CLCA4: variants seen among roughly 807,000 people sequenced by gnomAD.
CLCA4 encodes the protein chloride channel accessory 4.
Under a neutral mutation model 78.9 loss-of-function variants are expected in CLCA4, and 69 were observed. The ratio of observed to expected loss-of-function variants is 0.87; its 90% confidence interval spans 0.72 to 1.07. The LOEUF is 1.07. CLCA4 is among the 50% of genes least tolerant of loss of function. CLCA4 has a pLI of 0.00. For synonymous variants in CLCA4, 362 were observed against 375.8 expected (o/e 0.96, Z 0.42); for missense variants, 1,133 against 1,095.8 (o/e 1.03, Z -0.48).
chr1:86,547,756 A>G (rs1481554437), intron 1 of CLCA4, among the ~76,000 whole-genome samples: 1 of 152,112 alleles, frequency 6.6e-6, no homozygotes, highest in African/African-American at 2.4e-5. Flanking sequence ...ATTTAACATA[A>G]TGTCCTCCAT....
intron 1 of CLCA4, 111 bp from the exon 2 acceptor site, chr1:86,559,821 G>A (rs1396628184): frequency 2.5e-6 from 2 of 798,538 alleles, no homozygotes; most frequent in Admixed American, 2.5e-5. Flanking sequence ...CTACTCATCA[G>A]TCTGTTGCTT....
chr1:86,558,642 C>T (rs977827311), intron 1 of CLCA4, among the ~76,000 whole-genome samples: 2 of 152,098 alleles, frequency 1.3e-5, no homozygotes, highest in Non-Finnish European at 2.9e-5. Flanking sequence ...GCAAACATGT[C>T]CTTCTTCACA....
At chr1:86,554,636 A>G (rs1340572425) in intron 1 of CLCA4, among the ~76,000 whole-genome samples, 1 of 152,168 alleles carries the variant, frequency 6.6e-6, no homozygotes, top group Non-Finnish European at 1.5e-5. Context: ...TGCTATTGTG[A>G]ATAGTGCTGC....
chr1:86,561,850 T>A (rs1650031285), intron 3 of CLCA4, among the ~76,000 whole-genome samples: 2 of 152,196 alleles, frequency 1.3e-5, no homozygotes, highest in Non-Finnish European at 2.9e-5. Context: ...TCTTTCTTCC[T>A]TTTCACAAAT....
At chr1:86,552,047 CA>C (rs765415934) in intron 1 of CLCA4, among the ~76,000 whole-genome samples, 17 of 151,296 alleles carry the variant, frequency 1.1e-4, no homozygotes, top group African/African-American at 4.1e-4. Context: ...ATGCCCACTG[CA>C]AAAAAAATCC....
At chr1:86,548,079 G>A (rs994383693) in intron 1 of CLCA4, among the ~76,000 whole-genome samples, 2 of 152,046 alleles carry the variant, frequency 1.3e-5, no homozygotes, top group South Asian at 4.1e-4. Context: ...GTATATAATA[G>A]GTCTCTTTCT....
chr1:86,575,591 A>G lies in CLCA4; in HGVS notation c.1943A>G (p.Asn648Ser). Residue 648 changes from asparagine (N) to serine (S), a missense_variant, in exon 11 of 14, where the codon AAT (asparagine) becomes AGT (serine). By Grantham distance (46) the Asn-to-Ser change is conservative. Transcript: ENST00000370563. The stretch of plus-strand genomic sequence containing the variant: ...ACAGAAGTTTTGGAACTTTTGGATA[A>G]TGGTGCAGGTAATTCACAGGTTTTT... ...GHTEVLELLD[N>S]GAGADSFKND... 6.2e-7 allele frequency: 1 copy of G among 1,612,094 alleles called. No individual in the cohort carries two copies.
intron 1 of CLCA4, 148 bp from the exon 2 acceptor site, chr1:86,559,784 C>A: frequency 1.5e-6 from 1 of 646,696 alleles, no homozygotes; most frequent in South Asian, 2.1e-5. Flanking sequence ...TGACAGGTGG[C>A]AGAGTTAGAA....
intron 9 of CLCA4, among the ~76,000 whole-genome samples, chr1:86,573,395 GTT>G (rs1240394297): frequency 2.6e-5 from 4 of 151,854 alleles, no homozygotes; most frequent in African/African-American, 9.7e-5. Context: ...AACATAGCCA[GTT>G]TCTCTCAAAA....
chr1:86,560,156 C>A (rs1649973747), intron 2 of CLCA4, 55 bp from the exon 3 acceptor site: 10 of 1,567,286 alleles, frequency 6.4e-6, no homozygotes, highest in Middle Eastern at 1.7e-4. Flanking sequence ...GTCTTTCTAA[C>A]TGAATATTAT....
intron 6 of CLCA4, among the ~76,000 whole-genome samples, chr1:86,566,917 AG>A (rs1650208480): frequency 6.6e-6 from 1 of 152,052 alleles, no homozygotes; most frequent in Non-Finnish European, 1.5e-5. Flanking sequence ...GAAAGTGGGA[AG>A]ATAGGGCCTT....
chr1:86,554,943 T>C (rs1649792287), intron 1 of CLCA4, among the ~76,000 whole-genome samples: 1 of 152,092 alleles, frequency 6.6e-6, no homozygotes, highest in Non-Finnish European at 1.5e-5. Flanking sequence ...TGTGTGTGTG[T>C]TTCTTTAATG....
At chr1:86,562,419 A>G (rs1558187093) in intron 3 of CLCA4, among the ~76,000 whole-genome samples, 1 of 152,198 alleles carries the variant, frequency 6.6e-6, no homozygotes, top group Admixed American at 6.5e-5. Flanking sequence ...TATGTAGAAG[A>G]GTAACTTAGG....
In CLCA4 at chr1:86,571,158, T is replaced by G; in HGVS notation, c.1264T>G (p.Cys422Gly). 1 of 1,612,904 alleles carries G rather than the reference T, an allele frequency of 6.2e-7. No individual in the cohort carries two copies. Among genetic ancestry groups the G allele is most frequent in the Non-Finnish European group, 8.5e-7 (1 of 1,179,074 alleles). Residue 422 changes from cysteine to glycine, a missense_variant, in exon 8 of 14, where the codon TGT becomes GGT. By Grantham distance (159) the Cys-to-Gly change is radical. Transcript: ENST00000370563. The part of the protein sequence containing the change: ...TDGEDNTASS[C>G]IDEVKQSGAI... ...TGGGGAGGATAACACTGCAAGTTCT[T>G]GTATTGATGAAGTGAAACAAAGTGG...
intron 12 of CLCA4, among the ~76,000 whole-genome samples, chr1:86,578,726 A>G (rs554467905): frequency 4.2e-4 from 64 of 152,220 alleles, no homozygotes; most frequent in African/African-American, 1.5e-3. Context: ...AAGATGAAGG[A>G]AACAGACCAA....
intron 1 of CLCA4, chr1:86,552,607 C>G: frequency 1.5e-6 from 1 of 649,492 alleles, no homozygotes. Flanking sequence ...TGCGAGCGCT[C>G]AGGGCTCTGG....
chr1:86,567,883 C>A (rs1489766830), intron 7 of CLCA4, among the ~76,000 whole-genome samples: 1 of 151,958 alleles, frequency 6.6e-6, no homozygotes, highest in Non-Finnish European at 1.5e-5. Flanking sequence ...CTTACAAGCC[C>A]AAGGAAGTCA....
chr1:86,571,010 C>A, intron 7 of CLCA4, 67 bp from the exon 8 acceptor site: 1 of 1,179,624 alleles, frequency 8.5e-7, no homozygotes, highest in Non-Finnish European at 1.2e-6. Flanking sequence ...AATTTTTTCT[C>A]ATTTCCCATT....
At chr1:86,552,831 A>T in intron 1 of CLCA4, 1 of 878,180 alleles carries the variant, frequency 1.1e-6, no homozygotes, top group South Asian at 1.4e-5. Context: ...GGGGGATTTT[A>T]GTCTCCAGCG....
Sources: allele counts gnomAD v4.1 joint callset (sites outside exome capture counted in the v4.1 genomes callset), GRCh38; gene constraint gnomAD v4.1.1; transcripts MANE v1.5; gene names NCBI Gene and HGNC (gene_info 2026-07-23, HGNC 2026-07-21).